PPP2R2C: variants seen among roughly 807,000 people sequenced by gnomAD.
The protein encoded by PPP2R2C is protein phosphatase 2 regulatory subunit Bgamma, also known as protein phosphatase 2, regulatory subunit B, gamma.
A neutral mutation model predicts 45.3 loss-of-function variants in PPP2R2C; 10 were observed. The observed-to-expected ratio is 0.22, with a 90% CI of 0.14 to 0.37. The LOEUF (loss-of-function observed/expected upper bound fraction) is 0.37, where lower values mean the gene tolerates loss of function less well. Among genes scored for constraint, PPP2R2C ranks in the 10% least tolerant of loss-of-function variants. The probability of loss-of-function intolerance (pLI) is 1.00; values close to 1 mark genes in which losing one functional copy is unlikely to be tolerated. For synonymous variants in PPP2R2C, 257 were observed against 245.4 expected (o/e 1.05, Z -0.44); for missense variants, 308 against 619.7 (o/e 0.50, Z 5.34).
chr4:6,561,710 T>C (rs909508072), intron 1 of PPP2R2C, among the ~76,000 whole-genome samples: 3 of 151,938 alleles, frequency 2.0e-5, no homozygotes, highest in Admixed American at 6.5e-5. Context: ...CACCCACAGA[T>C]ACATACATGG....
At position 6,499,580 on chromosome 4, in the gene PPP2R2C, G is replaced by A. The variant is rs368796689; in HGVS notation, c.49+35691C>T. On this transcript the variant is annotated intron_variant, in intron 2 of 9. Transcript: ENST00000506140. ...CCAATGTTGGCCAAAGTGTGCTGAC[G>A]AAAATGCATCAAGGGCTCAGTTCTG... Among the ~76,000 whole-genome samples the A allele has an allele frequency of 9.2e-5, 14 of 152,136 alleles. 1 individual carries two copies. Among genetic ancestry groups the A allele is most frequent in the South Asian group, 6.2e-4 (3 of 4,828 alleles).
rs559785285 is a variant in PPP2R2C at position 6,549,253 on chromosome 4, T to C, written c.-58-13876A>G. 3.3e-5 allele frequency among the ~76,000 whole-genome samples: 5 copies of C among 152,028 alleles called. No individual in the cohort carries two copies. The South Asian group carries it at 1.0e-3, about 32-fold the overall frequency. Reference sequence around the variant, plus strand: ...CTGTAAAAATGGAAATTGGACCACGTCGTTTTTCCACCTCCACCCCCACCC... The same window carrying C: ...CTGTAAAAATGGAAATTGGACCACGCCGTTTTTCCACCTCCACCCCCACCC... On this transcript the variant is annotated intron_variant, in intron 1 of 9. Coordinates refer to the PPP2R2C transcript ENST00000506140.
intron 2 of PPP2R2C, among the ~76,000 whole-genome samples, chr4:6,496,463 G>T (rs894549177): frequency 6.6e-6 from 1 of 152,166 alleles, no homozygotes; most frequent in African/African-American, 2.4e-5. Context: ...CAATCAACAT[G>T]TGATGAAGGG....
rs1161378663 is a variant in PPP2R2C, at chr4:6,331,203, C to A, written c.961-1850G>T. On this transcript the variant is annotated intron_variant, in intron 7 of 8. Coordinates refer to ENST00000382599, the MANE Select transcript of PPP2R2C (RefSeq NM_020416.4). The surrounding 1 kb of genome is among the most constrained non-coding windows in gnomAD (Gnocchi z 5.9). ...CCAAATGCGCATGCTGTTCTCTCTG[C>A]CGTGCACTAAGCATCTCCTGCCCTC... Among the ~76,000 whole-genome samples the A allele has an allele frequency of 1.3e-5, 2 of 152,196 alleles. No homozygotes were observed. Among genetic ancestry groups the A allele is most frequent in the Non-Finnish European group, 2.9e-5 (2 of 68,036 alleles).
rs532842054 is a variant in PPP2R2C, at chr4:6,522,789, G to A, written c.49+12482C>T. Among the ~76,000 whole-genome samples the A allele has an allele frequency of 9.8e-5, 15 of 152,376 alleles. No homozygotes were observed. The South Asian group carries it at 2.3e-3, about 23-fold the overall frequency. On this transcript the variant is annotated intron_variant, in intron 2 of 9. Transcript: ENST00000506140. ...CTGGTTCTTGGCTAATATCTGCTGA[G>A]CCAGACACAGCTCCCACTTTGGAGG...
chr4:6,437,902 A>C (rs1719969611), intron 1 of PPP2R2C, among the ~76,000 whole-genome samples: 1 of 152,174 alleles, frequency 6.6e-6, no homozygotes, highest in Admixed American at 6.5e-5. Flanking sequence ...GGAACCAACT[A>C]CAGGCCTTAG....
chr4:6,382,082 C>A, intron 1 of PPP2R2C: 1 of 1,374,324 alleles, frequency 7.3e-7, no homozygotes, highest in East Asian at 2.9e-5. Flanking sequence ...TACTGCAGCC[C>A]CAAAATGATT....
At chr4:6,557,286 A>T (rs1250043082) in intron 1 of PPP2R2C, among the ~76,000 whole-genome samples, 1 of 152,180 alleles carries the variant, frequency 6.6e-6, no homozygotes. Context: ...TAGGACAACA[A>T]CATCTACAAC....
chr4:6,364,643 T>A lies in PPP2R2C; in HGVS notation c.625+7880A>T, dbSNP rs1181378861. Among the ~76,000 whole-genome samples the A allele has an allele frequency of 2.0e-5, 3 of 152,098 alleles. No homozygotes were observed. Among genetic ancestry groups the A allele is most frequent in the Non-Finnish European group, 4.4e-5 (3 of 68,024 alleles). ...ACCCAGTCCTCAAGCAGCCGTATGGTGTCAGCAGGGGCTTTTCCTCGCTTT... is the reference window on the plus strand; with the variant it reads ...ACCCAGTCCTCAAGCAGCCGTATGGAGTCAGCAGGGGCTTTTCCTCGCTTT... On this transcript the variant is annotated intron_variant, in intron 5 of 8. Coordinates refer to ENST00000382599, the MANE Select transcript of PPP2R2C (RefSeq NM_020416.4). The surrounding 1 kb of genome is among the most constrained non-coding windows in gnomAD (Gnocchi z 5.3).
At chr4:6,361,939 G>T (rs1456102687) in intron 5 of PPP2R2C, among the ~76,000 whole-genome samples, 1 of 152,202 alleles carries the variant, frequency 6.6e-6, no homozygotes, top group Non-Finnish European at 1.5e-5. Context: ...GCCCTGAGAT[G>T]GTGCAGAGTC....
At chr4:6,542,001 G>A (rs919467602) in intron 1 of PPP2R2C, among the ~76,000 whole-genome samples, 1 of 152,240 alleles carries the variant, frequency 6.6e-6, no homozygotes, top group Non-Finnish European at 1.5e-5. Flanking sequence ...TACTTTAAGG[G>A]ATTCATGACA....
chr4:6,538,725 C>T (rs1560610361), intron 1 of PPP2R2C, among the ~76,000 whole-genome samples: 1 of 152,224 alleles, frequency 6.6e-6, no homozygotes, highest in African/African-American at 2.4e-5. Flanking sequence ...AAAGAGCCGG[C>T]CGCCAATGCA....
chr4:6,476,554 G>A (rs1008961252), upstream of PPP2R2C, among the ~76,000 whole-genome samples: 4 of 152,000 alleles, frequency 2.6e-5, no homozygotes, highest in Non-Finnish European at 4.4e-5. Context: ...AGGATCTGCC[G>A]GCACTTTGAC....
chr4:6,531,297 G>C (rs1724389532), intron 2 of PPP2R2C, among the ~76,000 whole-genome samples: 1 of 152,154 alleles, frequency 6.6e-6, no homozygotes, highest in African/African-American at 2.4e-5. Flanking sequence ...GGCTGCAGGG[G>C]CCCAGGGGTG....
chr4:6,355,816 C>T (rs1295157740), intron 5 of PPP2R2C, among the ~76,000 whole-genome samples: 1 of 142,604 alleles, frequency 7.0e-6, no homozygotes, highest in Non-Finnish European at 1.5e-5. Context: ...CATGATGAAA[C>T]CCTGACTCTA....
chr4:6,483,230 T>G lies in PPP2R2C; in HGVS notation c.49+52041A>C, dbSNP rs899610372. ...TTTGCACCTATGTTTAGAAGTCATA[T>G]TGATTAATAATTTTCTTTTCTTGCA... On this transcript the variant is annotated intron_variant, in intron 2 of 9. Coordinates refer to the PPP2R2C transcript ENST00000506140. Among the ~76,000 whole-genome samples the G allele has an allele frequency of 4.6e-5, 7 of 152,296 alleles. No individual in the cohort carries two copies. The East Asian group carries it at 7.7e-4, about 17-fold the overall frequency.
intron 1 of PPP2R2C, among the ~76,000 whole-genome samples, chr4:6,449,980 C>T (rs1720649740): frequency 6.6e-6 from 1 of 152,228 alleles, no homozygotes; most frequent in South Asian, 2.1e-4. Context: ...AGCTGCCGAG[C>T]CCCATTTTTC....
chr4:6,388,899 C>T (rs762389668), intron 1 of PPP2R2C, among the ~76,000 whole-genome samples: 8 of 152,212 alleles, frequency 5.3e-5, no homozygotes, highest in Non-Finnish European at 1.2e-4. Flanking sequence ...CCCTAGGAAA[C>T]TGACACAGAG....
chr4:6,467,885 G>T (rs1002279354), intron 1 of PPP2R2C, among the ~76,000 whole-genome samples: 6 of 152,154 alleles, frequency 3.9e-5, no homozygotes, highest in African/African-American at 1.4e-4. Context: ...ATGGCTGCCA[G>T]CCACCACAAG....
Sources: allele counts gnomAD v4.1 joint callset (sites outside exome capture counted in the v4.1 genomes callset), GRCh38; gene constraint gnomAD v4.1.1; non-coding constraint Gnocchi (gnomAD v3.1); transcripts MANE v1.5; gene names NCBI Gene and HGNC (gene_info 2026-07-23, HGNC 2026-07-21).